Variants in FNDC3A observed in about 807,000 individuals in gnomAD.
FNDC3A encodes the protein fibronectin type III domain containing 3A, also known as fibronectin type-III domain-containing protein 3A.
In FNDC3A, 32 loss-of-function variants were observed where a neutral mutation model predicts 148.9. The ratio of observed to expected loss-of-function variants is 0.21; its 90% CI spans 0.16 to 0.29. The LOEUF (loss-of-function observed/expected upper bound fraction) is 0.29, where lower values mean the gene tolerates loss of function less well. FNDC3A is among the 10% of genes least tolerant of loss of function. The pLI, the probability that FNDC3A is intolerant of heterozygous loss-of-function variation, is 1.00. For missense variants in FNDC3A, 1,191 were observed against 1,452.8 expected, an observed-to-expected ratio of 0.82 and a Z score of 2.93; for synonymous variants, 472 against 473.6, an observed-to-expected ratio of 1.00 and a Z score of 0.04.
At chr13:49,183,133 A>G (rs780191685) in intron 14 of FNDC3A, among the ~76,000 whole-genome samples, 2 of 152,112 alleles carry the variant, frequency 1.3e-5, no homozygotes, top group Non-Finnish European at 1.5e-5. Flanking sequence ...ACCTCACCAG[A>G]TTAACTACTC....
chr13:49,116,002 G>A (rs1271412721), intron 4 of FNDC3A, among the ~76,000 whole-genome samples: 1 of 152,150 alleles, frequency 6.6e-6, no homozygotes, highest in Non-Finnish European at 1.5e-5. Flanking sequence ...CATGAAGACT[G>A]TTCTCTAGCA....
intron 1 of FNDC3A, among the ~76,000 whole-genome samples, chr13:49,002,908 TG>T: frequency 6.6e-6 from 1 of 152,324 alleles, no homozygotes; most frequent in Non-Finnish European, 1.5e-5. Flanking sequence ...ATCTAATAGC[TG>T]GATCATAACT....
At chr13:49,050,382 T>A (rs1875748063) in intron 2 of FNDC3A, among the ~76,000 whole-genome samples, 1 of 152,224 alleles carries the variant, frequency 6.6e-6, no homozygotes, top group South Asian at 2.1e-4. Flanking sequence ...AATTTCCATC[T>A]TGATTTCATT....
chr13:48,978,375 A>G (rs1460889724), intron 1 of FNDC3A, among the ~76,000 whole-genome samples: 1 of 152,194 alleles, frequency 6.6e-6, no homozygotes, highest in Non-Finnish European at 1.5e-5. Context: ...CATTTAATTT[A>G]TACTTTATCA....
chr13:49,153,995 G>T (rs1267967251), intron 8 of FNDC3A, among the ~76,000 whole-genome samples: 12 of 119,148 alleles, frequency 1.0e-4, no homozygotes, highest in South Asian at 6.0e-4. Context: ...TTGACTTGGC[G>T]ATGCGGGCTC....
At chr13:49,199,527 CATG>C (rs1303327186) in intron 23 of FNDC3A, among the ~76,000 whole-genome samples, 1 of 152,018 alleles carries the variant, frequency 6.6e-6, no homozygotes, top group Admixed American at 6.6e-5. Context: ...GGAGTTTCAC[CATG>C]TTGGCCAGGA....
At position 49,198,154 on chromosome 13, in the gene FNDC3A, A is replaced by G; in HGVS notation, c.2663A>G (p.His888Arg). 1.9e-6 allele frequency: 3 copies of G among 1,614,212 alleles called. No individual in the cohort carries two copies. The highest frequency in any genetic ancestry group is 2.5e-6 in the Non-Finnish European group (3 of 1,180,016). The change falls in exon 22 of 26, where the codon CAT becomes CGT. Residue 888 changes from histidine (H) to arginine (R), a missense_variant. By Grantham distance (29) the His-to-Arg change is conservative. Around this residue, in one of 3 missense-constraint regions of FNDC3A, gnomAD observed 751 missense variants for 944.0 expected, o/e 0.80. Transcript: ENST00000492622. ...ATAAGCTGGGAAAAGCCTTGTGATC[A>G]TGGTTCGGAAATCCTTGCCTACAGC... ...LAISWEKPCD[H>R]GSEILAYSID...
At chr13:49,100,277 A>G (rs548005703) in intron 3 of FNDC3A, among the ~76,000 whole-genome samples, 1 of 152,230 alleles carries the variant, frequency 6.6e-6, no homozygotes, top group South Asian at 2.1e-4. Context: ...AAAGAAACAT[A>G]CCAAATGATG....
chr13:49,124,059 C>A (rs140818208), intron 4 of FNDC3A, among the ~76,000 whole-genome samples: 1 of 152,144 alleles, frequency 6.6e-6, no homozygotes, highest in Non-Finnish European at 1.5e-5. Flanking sequence ...TATTGCAGCA[C>A]TATTCACAGT....
intron 5 of FNDC3A, among the ~76,000 whole-genome samples, chr13:49,134,705 TTC>T (rs1445120973): frequency 6.6e-5 from 10 of 151,810 alleles, no homozygotes; most frequent in African/African-American, 2.4e-4. Context: ...CTGAATAAAT[TTC>T]TCTCTCATTA....
At chr13:49,101,921 G>C (rs760634489) in intron 3 of FNDC3A, among the ~76,000 whole-genome samples, 54 of 151,314 alleles carry the variant, frequency 3.6e-4, no homozygotes, top group Non-Finnish European at 5.3e-4. Flanking sequence ...CTTGGTACCT[G>C]ATTTTAATCA....
At chr13:49,020,923 A>C (rs1257025072) in intron 2 of FNDC3A, among the ~76,000 whole-genome samples, 2 of 152,216 alleles carry the variant, frequency 1.3e-5, no homozygotes, top group Non-Finnish European at 2.9e-5. Context: ...TAATCACTAT[A>C]AAAATAGTAA....
At chr13:48,997,783 A>G (rs1013289000) in intron 1 of FNDC3A, among the ~76,000 whole-genome samples, 3 of 152,176 alleles carry the variant, frequency 2.0e-5, no homozygotes, top group African/African-American at 7.2e-5. Flanking sequence ...TAAGTTCAGT[A>G]AGACGGTAAT....
At chr13:49,197,940 TG>T in intron 21 of FNDC3A, 41 bp from the exon 22 acceptor site, 1 of 1,590,184 alleles carries the variant, frequency 6.3e-7, no homozygotes, top group Non-Finnish European at 8.5e-7. Context: ...GGCATTTTCA[TG>T]GTCATGACTT....
At chr13:49,036,002 A>G (rs981145993) in intron 2 of FNDC3A, among the ~76,000 whole-genome samples, 1 of 152,176 alleles carries the variant, frequency 6.6e-6, no homozygotes, top group African/African-American at 2.4e-5. Flanking sequence ...GACAAGATCT[A>G]GCCAAGTATA....
intron 4 of FNDC3A, among the ~76,000 whole-genome samples, chr13:49,128,844 C>A (rs1219387828): frequency 1.3e-5 from 2 of 152,236 alleles, no homozygotes; most frequent in African/African-American, 4.8e-5. Context: ...CTTCCTAGAA[C>A]AAATCTTCCA....
rs74965684 is a variant in FNDC3A, at chr13:49,145,783, C to T, written c.825C>T (p.Ser275=). 5.1e-3 allele frequency: 8,202 copies of T among 1,613,194 alleles called. 50 individuals are homozygous for T. Among genetic ancestry groups the T allele is most frequent in the African/African-American group, 0.023 (1,723 of 74,924 alleles). The change falls in exon 8 of 26, where the codon TCC becomes TCT. Residue 275 remains serine (S), a synonymous_variant. Coordinates refer to ENST00000492622, the MANE Select transcript of FNDC3A (RefSeq NM_001079673.2). ...LLSNIVKPVA[S]DIQARTVVLT... is the part of the protein sequence containing the mutation. ...TAAATGTTGTATTTTTACAGGCCTC[C>T]GACATCCAGGCAAGGACAGTAGTAC...
chr13:48,980,592 G>C (rs1215155478), intron 1 of FNDC3A, among the ~76,000 whole-genome samples: 1 of 152,130 alleles, frequency 6.6e-6, no homozygotes, highest in African/African-American at 2.4e-5. Context: ...AAGTTATGGT[G>C]ATTTAAAGGA....
intron 2 of FNDC3A, among the ~76,000 whole-genome samples, chr13:49,070,378 A>G (rs965187192): frequency 3.3e-5 from 5 of 152,198 alleles, no homozygotes; most frequent in Admixed American, 1.3e-4. Context: ...TTAACCCAGT[A>G]TGTCCAGAAT....
Sources: allele counts gnomAD v4.1 joint callset (sites outside exome capture counted in the v4.1 genomes callset), GRCh38; gene constraint gnomAD v4.1.1; regional missense constraint gnomAD v4.1.1; transcripts MANE v1.5; gene names NCBI Gene and HGNC (gene_info 2026-07-23, HGNC 2026-07-21).